Variants in CDH18 observed in about 807,000 individuals in gnomAD.
CDH18 encodes cadherin 18, also known as cadherin-18.
CDH18 carries 31 observed loss-of-function variants against 67.9 expected under a neutral mutation model. The observed-to-expected ratio is 0.46, with a 90% confidence interval of 0.34 to 0.62. The LOEUF is 0.62. Among genes scored for constraint, CDH18 ranks in the 20% least tolerant of loss-of-function variants. The probability of loss-of-function intolerance (pLI) is 0.01; values close to 1 mark genes in which losing one functional copy is unlikely to be tolerated. For missense variants in CDH18, 890 were observed against 975.5 expected (o/e 0.91, Z 1.17); for synonymous variants, 362 against 347.2 (o/e 1.04, Z -0.48).
At chr5:20,265,853 A>G (rs1744993279) in intron 1 of CDH18, among the ~76,000 whole-genome samples, 1 of 152,190 alleles carries the variant, frequency 6.6e-6, no homozygotes, top group African/African-American at 2.4e-5. Flanking sequence ...TGGGTGTGTC[A>G]GTGGATGTGT....
chr5:19,781,672 T>C (rs1581324119), intron 3 of CDH18, among the ~76,000 whole-genome samples: 1 of 152,288 alleles, frequency 6.6e-6, no homozygotes, highest in African/African-American at 2.4e-5. Context: ...TTTTCATATT[T>C]TTTTCTCTCT....
intron 1 of CDH18, among the ~76,000 whole-genome samples, chr5:20,506,104 T>C (rs1754642518): frequency 6.6e-6 from 1 of 152,070 alleles, no homozygotes. Context: ...CACAAAAAAA[T>C]AAAGTCACTA....
intron 5 of CDH18, among the ~76,000 whole-genome samples, chr5:19,700,998 G>A (rs1024793312): frequency 4.0e-5 from 6 of 151,898 alleles, no homozygotes; most frequent in South Asian, 4.2e-4. Flanking sequence ...AATAAGCATC[G>A]ATCAAGAAAT....
chr5:20,004,275 GT>G (rs1221378373), intron 2 of CDH18, among the ~76,000 whole-genome samples: 1 of 152,180 alleles, frequency 6.6e-6, no homozygotes, highest in Non-Finnish European at 1.5e-5. Context: ...GGAACCTCCT[GT>G]TTTCTGCACA....
intron 1 of CDH18, among the ~76,000 whole-genome samples, chr5:20,386,437 T>C (rs975447177): frequency 7.9e-5 from 12 of 152,176 alleles, no homozygotes; most frequent in African/African-American, 2.7e-4. Context: ...TAGTCTTTTA[T>C]CCACAATTTT....
chr5:20,225,500 G>A (rs2126472124), intron 2 of CDH18, among the ~76,000 whole-genome samples: 1 of 152,122 alleles, frequency 6.6e-6, no homozygotes, highest in South Asian at 2.1e-4. Context: ...CCCGTATACA[G>A]ACACACATTG....
intron 2 of CDH18, among the ~76,000 whole-genome samples, chr5:19,894,826 C>T (rs925321385): frequency 8.5e-5 from 13 of 152,064 alleles, no homozygotes; most frequent in Non-Finnish European, 2.9e-5. Flanking sequence ...AGTAATTTAT[C>T]ACTATGTCAC....
intron 2 of CDH18, among the ~76,000 whole-genome samples, chr5:19,910,041 T>C (rs1790954801): frequency 2.0e-5 from 3 of 152,174 alleles, no homozygotes; most frequent in Admixed American, 2.0e-4. Context: ...CCCAAGTAGA[T>C]TTTTCTCTTC....
At chr5:20,146,716 A>G (rs532671046) in intron 2 of CDH18, among the ~76,000 whole-genome samples, 32 of 152,178 alleles carry the variant, frequency 2.1e-4, no homozygotes, top group Middle Eastern at 7.2e-3. Context: ...TAAATGATAG[A>G]AATAACAAAG....
chr5:20,250,354 G>GC (rs1361256603), intron 2 of CDH18, among the ~76,000 whole-genome samples: 1 of 151,594 alleles, frequency 6.6e-6, no homozygotes, highest in Admixed American at 6.6e-5. Flanking sequence ...GTGCAGCCGT[G>GC]CGATCAAGGC....
intron 2 of CDH18, among the ~76,000 whole-genome samples, chr5:20,227,268 G>T (rs972123193): frequency 2.0e-5 from 3 of 152,036 alleles, no homozygotes; most frequent in Admixed American, 6.6e-5. Context: ...AAAATTCATG[G>T]TTTCCAGTGT....
intron 2 of CDH18, among the ~76,000 whole-genome samples, chr5:20,000,304 A>G (rs1472973290): frequency 6.6e-6 from 1 of 152,210 alleles, no homozygotes; most frequent in Non-Finnish European, 1.5e-5. Flanking sequence ...AAAAGCTGTA[A>G]TTTATAGTTA....
chr5:19,629,638 T>C (rs562183446), intron 5 of CDH18, among the ~76,000 whole-genome samples: 1 of 152,280 alleles, frequency 6.6e-6, no homozygotes, highest in South Asian at 2.1e-4. Flanking sequence ...AATCAAAGAC[T>C]GGATATTTCG....
intron 1 of CDH18, among the ~76,000 whole-genome samples, chr5:20,453,728 A>C (rs1161954839): frequency 6.6e-6 from 1 of 152,176 alleles, no homozygotes; most frequent in Middle Eastern, 3.4e-3. Flanking sequence ...TGAGTTTACC[A>C]GCGTGGAATT....
intron 4 of CDH18, among the ~76,000 whole-genome samples, chr5:19,740,904 A>T (rs553591279): frequency 9.2e-5 from 14 of 152,192 alleles, no homozygotes; most frequent in South Asian, 6.2e-4. Context: ...GTTGGTAAAG[A>T]TCAAGACTGA....
At chr5:20,191,579 T>A (rs1738542908) in intron 2 of CDH18, among the ~76,000 whole-genome samples, 1 of 152,090 alleles carries the variant, frequency 6.6e-6, no homozygotes, top group Non-Finnish European at 1.5e-5. Context: ...GTTCTCAACG[T>A]TCAACCCCCA....
At chr5:19,551,723 T>C (rs1737487340) in intron 8 of CDH18, among the ~76,000 whole-genome samples, 2 of 152,132 alleles carry the variant, frequency 1.3e-5, no homozygotes, top group African/African-American at 4.8e-5. Flanking sequence ...TAAGTACTGG[T>C]TGTTTCTTTC....
intron 3 of CDH18, among the ~76,000 whole-genome samples, chr5:19,836,375 T>C (rs143430856): frequency 6.6e-6 from 1 of 152,332 alleles, no homozygotes; most frequent in East Asian, 1.9e-4. Context: ...TGGCATTAGA[T>C]GGTATTTCAC....
At chr5:19,554,547 T>C (rs767764112) in intron 8 of CDH18, among the ~76,000 whole-genome samples, 36 of 149,004 alleles carry the variant, frequency 2.4e-4, no homozygotes, top group Non-Finnish European at 4.1e-4. Flanking sequence ...CATAACTTCA[T>C]CTCAAAAAAA....
Sources: allele counts gnomAD v4.1 joint callset (sites outside exome capture counted in the v4.1 genomes callset), GRCh38; gene constraint gnomAD v4.1.1; transcripts MANE v1.5; gene names NCBI Gene and HGNC (gene_info 2026-07-23, HGNC 2026-07-21).